The following FABP6 variants were observed in gnomAD, a reference collection of about 807,000 sequenced individuals.
The protein encoded by FABP6 is fatty acid binding protein 6, also known as gastrotropin.
FABP6 carries 13 observed loss-of-function variants against 14.9 expected under a neutral mutation model. That is an observed-to-expected ratio of 0.87 (90% CI 0.57 to 1.39). The LOEUF is 1.39. FABP6 is among the 40% of genes most tolerant of loss of function. The pLI is 0.00. For missense variants in FABP6, 161 were observed against 167.2 expected (o/e 0.96, Z 0.20); for synonymous variants, 75 against 63.6 (o/e 1.18, Z -0.85).
chr5:160,224,795 T>G (rs2113127772), upstream of FABP6, among the ~76,000 whole-genome samples: 2 of 90,616 alleles, frequency 2.2e-5, no homozygotes, highest in Middle Eastern at 0.011. Flanking sequence ...TCTTTTTTTT[T>G]TTGAGACAGT....
chr5:160,196,734 GGCTAATT>G (rs1759516343), intron 1 of FABP6: 1 of 152,156 alleles, frequency 6.6e-6, no homozygotes, highest in African/African-American at 2.4e-5. Context: ...CGCCACGCCC[GGCTAATT>G]GTTTTGTATT....
intron 3 of FABP6, chr5:160,213,837 G>A (rs1561748324): frequency 1.2e-6 from 2 of 1,603,168 alleles, no homozygotes; most frequent in Non-Finnish European, 1.7e-6. Context: ...GTAGAAGAAG[G>A]GAGGGAAGGG....
upstream of FABP6, among the ~76,000 whole-genome samples, chr5:160,226,797 A>G (rs1039431282): frequency 6.6e-6 from 1 of 152,188 alleles, no homozygotes; most frequent in Non-Finnish European, 1.5e-5. Context: ...TCATTGTTGT[A>G]TCATCATTAT....
chr5:160,199,766 G>C (rs576847929), intron 2 of FABP6, among the ~76,000 whole-genome samples: 1 of 152,152 alleles, frequency 6.6e-6, no homozygotes. Context: ...ACACAGACGC[G>C]TCCCAGTGGG....
chr5:160,203,404 C>G lies in FABP6; in HGVS notation c.51+4247C>G, dbSNP rs1580902871. ...TGGAAAACTGGCCTATTTCTAAGTT[C>G]AGTTTGATTATATGGCCCCTCAGAA... On this transcript the variant is annotated intron_variant, in intron 2 of 6. Transcript: ENST00000393980. 2.0e-5 allele frequency among the ~76,000 whole-genome samples: 3 copies of G among 152,296 alleles called. 1 individual carries two copies. The South Asian group carries it at 6.2e-4, about 32-fold the overall frequency.
chr5:160,227,231 T>A (rs1475578746), upstream of FABP6, among the ~76,000 whole-genome samples: 3 of 151,102 alleles, frequency 2.0e-5, no homozygotes, highest in Non-Finnish European at 4.4e-5. Flanking sequence ...AAAATAAATA[T>A]GTGCATTTAA....
intron 1 of FABP6, among the ~76,000 whole-genome samples, chr5:160,191,151 T>C (rs7701539): frequency 0.57 from 85,083 of 150,058 alleles, 24,289 homozygotes; most frequent in Non-Finnish European, 0.6. Flanking sequence ...CTTGGAAGAT[T>C]TCCTTGTTTA....
chr5:160,207,607 T>G (rs1267444733), intron 2 of FABP6, among the ~76,000 whole-genome samples: 4 of 152,168 alleles, frequency 2.6e-5, no homozygotes, highest in Non-Finnish European at 5.9e-5. Flanking sequence ...CCATTTTGGA[T>G]AAAATGTTTG....
chr5:160,207,753 C>T (rs960339552), intron 2 of FABP6, among the ~76,000 whole-genome samples: 1 of 144,790 alleles, frequency 6.9e-6, no homozygotes, highest in Non-Finnish European at 1.5e-5. Context: ...GATGAAGTCT[C>T]GCTTTTGTCC....
Position 160,199,252 on chromosome 5 carries a change from G to A in FABP6, c.51+95G>A, listed in dbSNP as rs1011174407. The A allele has an allele frequency of 2.5e-5, 32 of 1,276,712 alleles. No homozygotes were observed. The South Asian group carries it at 3.0e-4, about 12-fold the overall frequency. The allele number at this position is 1,276,712 out of a possible 1,614,324, so 79.1% of individuals were successfully genotyped here. ...AACACCTTGGGTGGGGGACTTGCTC[G>A]CCTTTCTCTGTGATGCTAATAACAG... On this transcript the variant is annotated intron_variant, in intron 2 of 6. Transcript: ENST00000393980.
intron 2 of FABP6, among the ~76,000 whole-genome samples, chr5:160,202,663 G>T (rs1020892509): frequency 6.6e-6 from 1 of 151,880 alleles, no homozygotes; most frequent in Non-Finnish European, 1.5e-5. Flanking sequence ...AATTAGCCAG[G>T]CGTGGTGTCA....
intron 2 of FABP6, among the ~76,000 whole-genome samples, chr5:160,210,765 C>A (rs1410412604): frequency 6.6e-6 from 1 of 152,110 alleles, no homozygotes; most frequent in African/African-American, 2.4e-5. Context: ...GAGCTTAGAG[C>A]AATAGTAGTT....
intron 1 of FABP6, among the ~76,000 whole-genome samples, chr5:160,188,919 G>A (rs1458995671): frequency 2.0e-5 from 3 of 152,222 alleles, no homozygotes; most frequent in Non-Finnish European, 4.4e-5. Flanking sequence ...GCCGCCTTGA[G>A]AGAAAATGTT....
chr5:160,224,790 T>C (rs1760206077), upstream of FABP6, among the ~76,000 whole-genome samples: 1 of 92,042 alleles, frequency 1.1e-5, no homozygotes, highest in Admixed American at 1.0e-4. Context: ...TTTTTTCTTT[T>C]TTTTTTTGAG....
At chr5:160,187,638 G>A (rs577051514) in intron 1 of FABP6, among the ~76,000 whole-genome samples, 6 of 152,138 alleles carry the variant, frequency 3.9e-5, no homozygotes, top group African/African-American at 1.4e-4. Flanking sequence ...ATGGAAGCTG[G>A]GAGCTGTGGG....
chr5:160,207,276 A>G (rs35218520), intron 2 of FABP6, among the ~76,000 whole-genome samples: 7,374 of 152,316 alleles, frequency 0.048, 284 homozygotes, highest in Non-Finnish European at 0.071. Flanking sequence ...CCAGGGTCAC[A>G]TGACTTTGCT....
At chr5:160,227,234 G>T (rs1760267444), upstream of FABP6, among the ~76,000 whole-genome samples, 1 of 150,612 alleles carries the variant, frequency 6.6e-6, no homozygotes. Flanking sequence ...ATAAATATGT[G>T]CATTTAAAAG....
upstream of FABP6, chr5:160,228,338 C>A: frequency 2.3e-6 from 1 of 437,074 alleles, no homozygotes; most frequent in Admixed American, 2.4e-5. Context: ...TTGCAGTGAG[C>A]CGAGATCACA....
At chr5:160,229,468 TG>T, upstream of FABP6, 1 of 1,600,794 alleles carries the variant, frequency 6.2e-7, no homozygotes, top group East Asian at 2.2e-5. Context: ...CCTCAGCAAC[TG>T]GGAGAGTTTA....
Sources: gnomAD v4.1 joint callset for allele counts (sites outside exome capture counted in the v4.1 genomes callset) on GRCh38, gnomAD v4.1.1 for gene constraint, MANE v1.5 for transcripts, NCBI Gene and HGNC (gene_info 2026-07-23, HGNC 2026-07-21) for gene names.